Variants in CHCHD6 observed in about 807,000 individuals in gnomAD.
CHCHD6 encodes MICOS complex subunit MIC25.
Under a neutral mutation model 32.3 loss-of-function variants are expected in CHCHD6, and 28 were observed. The observed-to-expected ratio is 0.87, with a 90% CI of 0.64 to 1.19. The LOEUF is 1.19. CHCHD6 is among the 50% of genes most tolerant of loss of function. The probability of loss-of-function intolerance (pLI) is 0.00; values close to 1 mark genes in which losing one functional copy is unlikely to be tolerated. For synonymous variants in CHCHD6, 122 were observed against 117.5 expected, an observed-to-expected ratio of 1.04 and a Z score of -0.25; for missense variants, 333 against 307.0, an observed-to-expected ratio of 1.08 and a Z score of -0.63.
chr3:126,851,577 G>A (rs2107551776), intron 4 of CHCHD6, among the ~76,000 whole-genome samples: 1 of 152,310 alleles, frequency 6.6e-6, no homozygotes, highest in South Asian at 2.1e-4. Context: ...AGGCAGTCCT[G>A]AGCTCCCAGG....
chr3:126,883,897 C>T, intron 5 of CHCHD6, among the ~76,000 whole-genome samples: 1 of 152,172 alleles, frequency 6.6e-6, no homozygotes, highest in Non-Finnish European at 1.5e-5. Context: ...TAGGTTTTCT[C>T]AGTTCTTGTG....
intron 4 of CHCHD6, among the ~76,000 whole-genome samples, chr3:126,782,306 T>C (rs1576409321): frequency 6.6e-6 from 1 of 152,362 alleles, no homozygotes; most frequent in Non-Finnish European, 1.5e-5. Context: ...GGCCCTTCTG[T>C]CTCTCCTAGT....
At chr3:126,766,800 G>T in intron 4 of CHCHD6, 1 of 1,034,742 alleles carries the variant, frequency 9.7e-7, no homozygotes, top group East Asian at 2.4e-5. Flanking sequence ...CCACTTCACT[G>T]ATGGCAAAGG....
intron 5 of CHCHD6, among the ~76,000 whole-genome samples, chr3:126,876,433 A>G (rs906960646): frequency 2.0e-5 from 3 of 152,240 alleles, no homozygotes; most frequent in African/African-American, 7.2e-5. Context: ...TGTGTGAGTT[A>G]ACAGGCCAGC....
intron 4 of CHCHD6, among the ~76,000 whole-genome samples, chr3:126,778,378 T>C (rs1937754831): frequency 6.6e-6 from 1 of 152,230 alleles, no homozygotes; most frequent in Non-Finnish European, 1.5e-5. Flanking sequence ...AGCACCATTT[T>C]ACATTCGCAC....
At chr3:126,913,766 C>T (rs1308989922) in intron 5 of CHCHD6, among the ~76,000 whole-genome samples, 1 of 152,224 alleles carries the variant, frequency 6.6e-6, no homozygotes, top group Non-Finnish European at 1.5e-5. Flanking sequence ...CTAGCAGATG[C>T]GTTAATGTCA....
Position 126,941,437 on chromosome 3 carries a change from CA to C in CHCHD6, c.567-15977del, listed in dbSNP as rs1182167643. 2.0e-5 allele frequency among the ~76,000 whole-genome samples: 3 copies of C among 152,306 alleles called. No homozygotes were observed. In the East Asian group the frequency reaches 5.8e-4, roughly 29 times the overall value. Reference sequence around the variant, plus strand: ...TAAAATATTAAATAATCTGGCTGAGCAAGCTTTTCTGCCTTGATGATCTTTT... The same window carrying C: ...TAAAATATTAAATAATCTGGCTGAGCAGCTTTTCTGCCTTGATGATCTTTT... On this transcript the variant is annotated intron_variant, in intron 6 of 7. Transcript: ENST00000290913.
At chr3:126,722,842 C>T (rs771500122) in intron 1 of CHCHD6, among the ~76,000 whole-genome samples, 1 of 152,108 alleles carries the variant, frequency 6.6e-6, no homozygotes, top group African/African-American at 2.4e-5. Flanking sequence ...TTTCATTGCT[C>T]ATGCTTTTGG....
chr3:126,743,323 G>T (rs903708183), intron 4 of CHCHD6, among the ~76,000 whole-genome samples: 1 of 152,164 alleles, frequency 6.6e-6, no homozygotes, highest in African/African-American at 2.4e-5. Flanking sequence ...TTTGGATTTT[G>T]TGGAGCCTCC....
intron 4 of CHCHD6, among the ~76,000 whole-genome samples, chr3:126,819,149 C>T (rs1488003941): frequency 6.6e-6 from 1 of 152,160 alleles, no homozygotes; most frequent in South Asian, 2.1e-4. Context: ...GATGGAAAGG[C>T]GGGGTTGTAA....
intron 4 of CHCHD6, among the ~76,000 whole-genome samples, chr3:126,795,374 C>T (rs1195357762): frequency 6.6e-6 from 1 of 152,194 alleles, no homozygotes. Context: ...AAGCACTTGG[C>T]ATGTAATTGG....
chr3:126,757,782 G>C (rs935356428), intron 4 of CHCHD6, among the ~76,000 whole-genome samples: 1 of 152,140 alleles, frequency 6.6e-6, no homozygotes, highest in Non-Finnish European at 1.5e-5. Context: ...CAGAGCTCTG[G>C]GAGTATGAGC....
chr3:126,917,819 T>C (rs2107592055), intron 6 of CHCHD6, among the ~76,000 whole-genome samples: 1 of 152,204 alleles, frequency 6.6e-6, no homozygotes, highest in South Asian at 2.1e-4. Context: ...TCTACCATGT[T>C]GAGGACACAG....
At chr3:126,775,362 T>C (rs758463261) in intron 4 of CHCHD6, among the ~76,000 whole-genome samples, 42 of 152,184 alleles carry the variant, frequency 2.8e-4, no homozygotes, top group Non-Finnish European at 8.8e-5. Flanking sequence ...ATTTTTCATA[T>C]ATTTATGGGC....
At chr3:126,794,860 T>C (rs1938716818) in intron 4 of CHCHD6, among the ~76,000 whole-genome samples, 2 of 152,184 alleles carry the variant, frequency 1.3e-5, no homozygotes, top group Non-Finnish European at 2.9e-5. Context: ...GTAGATGCAG[T>C]CCCTAGGACA....
chr3:126,763,114 G>T (rs971892019), intron 4 of CHCHD6, among the ~76,000 whole-genome samples: 1 of 151,974 alleles, frequency 6.6e-6, no homozygotes, highest in Admixed American at 6.6e-5. Flanking sequence ...GCCTTCTTTT[G>T]TATGTAGTTG....
intron 4 of CHCHD6, among the ~76,000 whole-genome samples, chr3:126,733,723 G>T (rs1935915812): frequency 6.6e-6 from 1 of 152,230 alleles, no homozygotes; most frequent in Admixed American, 6.5e-5. Context: ...GGAATCAGAG[G>T]AGATAGTATT....
intron 4 of CHCHD6, among the ~76,000 whole-genome samples, chr3:126,810,794 T>G (rs538601774): frequency 1.3e-5 from 2 of 152,332 alleles, no homozygotes; most frequent in East Asian, 3.9e-4. Flanking sequence ...AGGCTCAGTA[T>G]GGATGCTATC....
intron 4 of CHCHD6, among the ~76,000 whole-genome samples, chr3:126,790,762 G>C (rs1440352237): frequency 1.3e-5 from 2 of 152,104 alleles, no homozygotes; most frequent in Non-Finnish European, 2.9e-5. Flanking sequence ...TTTGTGATGG[G>C]TTCAAACTTC....
Sources: gnomAD v4.1 joint callset for allele counts (sites outside exome capture counted in the v4.1 genomes callset) on GRCh38, gnomAD v4.1.1 for gene constraint, MANE v1.5 for transcripts, NCBI Gene and HGNC (gene_info 2026-07-23, HGNC 2026-07-21) for gene names.